The following PARD3B variants were observed in gnomAD, a reference collection of about 807,000 sequenced individuals.
PARD3B encodes partitioning defective 3 homolog B.
In PARD3B, 103 loss-of-function variants were observed where a neutral mutation model predicts 130.2. The observed-to-expected ratio is 0.79, with a 90% CI of 0.67 to 0.93. The LOEUF is 0.93. Ranked by LOEUF, PARD3B falls within the 40% of genes least tolerant of loss-of-function variation. The probability of loss-of-function intolerance (pLI) is 0.00; values close to 1 mark genes in which losing one functional copy is unlikely to be tolerated. For synonymous variants in PARD3B, 583 were observed against 553.2 expected, an observed-to-expected ratio of 1.05 and a Z score of -0.76; for missense variants, 1,609 against 1,499.2, an observed-to-expected ratio of 1.07 and a Z score of -1.21.
At chr2:204,634,422 T>A (rs1358799074) in intron 1 of PARD3B, among the ~76,000 whole-genome samples, 1 of 152,218 alleles carries the variant, frequency 6.6e-6, no homozygotes, top group East Asian at 1.9e-4. Flanking sequence ...TTCCAAATCT[T>A]AGCTATTGTA....
chr2:205,056,945 G>A (rs1271179929), intron 4 of PARD3B, among the ~76,000 whole-genome samples: 1 of 150,250 alleles, frequency 6.7e-6, no homozygotes, highest in African/African-American at 2.4e-5. Context: ...TTGACATTCA[G>A]CTATATTCTT....
intron 21 of PARD3B, among the ~76,000 whole-genome samples, chr2:205,536,196 C>T (rs558188519): frequency 1.3e-5 from 2 of 152,156 alleles, no homozygotes; most frequent in Admixed American, 6.5e-5. Flanking sequence ...GTGGAACAAG[C>T]GTGTGGTGTC....
rs191784942 is a variant in PARD3B at position 205,128,090 on chromosome 2, A to G, written c.1434+2353A>G. 1.3e-5 allele frequency among the ~76,000 whole-genome samples: 2 copies of G among 152,352 alleles called. No homozygotes were observed. The highest frequency in any genetic ancestry group is 4.8e-5 in the African/African-American group (2 of 41,584). On this transcript the variant is annotated intron_variant, in intron 10 of 22. Transcript: ENST00000406610. This position sits in a 1 kb window ranked among gnomAD's most constrained non-coding sequence, Gnocchi z 4.5. Reference sequence around the variant, plus strand: ...ACTCTCCAAAATCCTCAGTGGAACTATGTGCTTATTTCTGAGATAGGAGAG... The same window carrying G: ...ACTCTCCAAAATCCTCAGTGGAACTGTGTGCTTATTTCTGAGATAGGAGAG...
intron 3 of PARD3B, among the ~76,000 whole-genome samples, chr2:204,983,916 C>T (rs1430626125): frequency 6.6e-6 from 1 of 152,118 alleles, no homozygotes; most frequent in Non-Finnish European, 1.5e-5. Flanking sequence ...GGCTCCTGTG[C>T]ATATAAAACT....
intron 1 of PARD3B, among the ~76,000 whole-genome samples, chr2:204,671,948 T>C (rs2036323382): frequency 6.6e-6 from 1 of 152,146 alleles, no homozygotes; most frequent in South Asian, 2.1e-4. Context: ...TCCTCAACAT[T>C]TTGATTATTT....
At chr2:204,620,245 C>T (rs2034250453) in intron 1 of PARD3B, among the ~76,000 whole-genome samples, 1 of 152,092 alleles carries the variant, frequency 6.6e-6, no homozygotes, top group South Asian at 2.1e-4. Flanking sequence ...TCAGATGATC[C>T]ACCAGCTTGG....
At position 205,552,406 on chromosome 2, in the gene PARD3B, G is replaced by GTTTA. The variant is rs756029728; in HGVS notation, c.3181-902_3181-899dup. Among the ~76,000 whole-genome samples the GTTTA allele has an allele frequency of 5.9e-5, 9 of 152,152 alleles. No homozygotes were observed. The South Asian group carries it at 1.0e-3, about 18-fold the overall frequency. ...ATAGAAAAGGTGCTTTTATTTATTT[G>GTTTA]TTTATTTATTTATTTATTTTGAGAC... On this transcript the variant is annotated intron_variant, in intron 21 of 22. Coordinates refer to ENST00000406610, the MANE Select transcript of PARD3B (RefSeq NM_001302769.2).
At chr2:205,099,980 T>A (rs1702646761) in intron 4 of PARD3B, among the ~76,000 whole-genome samples, 1 of 152,184 alleles carries the variant, frequency 6.6e-6, no homozygotes, top group African/African-American at 2.4e-5. Flanking sequence ...TGTAGTCAGT[T>A]CAGAATTACC....
chr2:205,507,577 A>G (rs2050422727), intron 21 of PARD3B, among the ~76,000 whole-genome samples: 1 of 152,110 alleles, frequency 6.6e-6, no homozygotes, highest in African/African-American at 2.4e-5. Context: ...AGTGAAGTCA[A>G]GTCCACCCAG....
chr2:204,988,262 T>C (rs554865314), intron 3 of PARD3B, among the ~76,000 whole-genome samples: 48 of 152,332 alleles, frequency 3.2e-4, no homozygotes, highest in Non-Finnish European at 4.7e-4. Context: ...ATGGTGTCTG[T>C]ATTTTCTCAG....
At chr2:204,556,504 A>G (rs747088486) in intron 1 of PARD3B, among the ~76,000 whole-genome samples, 3 of 152,222 alleles carry the variant, frequency 2.0e-5, no homozygotes, top group African/African-American at 7.2e-5. Context: ...AAGAGAAGAC[A>G]CTAAAGCCGT....
rs2047667039 is a variant in PARD3B, at chr2:205,440,313, AT to A, written c.2742-55del. The A allele has an allele frequency of 6.7e-7, 1 of 1,501,242 alleles. No individual in the cohort carries two copies. The highest frequency in any genetic ancestry group is 9.2e-7 in the Non-Finnish European group (1 of 1,089,482). 93.0% of individuals were successfully genotyped at this position (1,501,242 alleles called of 1,614,324 possible). ...TAACATAAATTCAAGAGAGTATTTC[AT>A]TGTATTATTATATGAAACTCACATA... On this transcript the variant is annotated intron_variant, in intron 19 of 22. Transcript: ENST00000406610. This position sits in a 1 kb window ranked among gnomAD's most constrained non-coding sequence, Gnocchi z 4.2.
chr2:205,564,333 C>G lies in PARD3B; in HGVS notation c.3260+10930C>G, dbSNP rs1414657313. Among the ~76,000 whole-genome samples, 13 of 152,140 alleles carry G rather than the reference C, an allele frequency of 8.5e-5. No homozygotes were observed. Among genetic ancestry groups the G allele is most frequent in the Admixed American group, 8.5e-4 (13 of 15,266 alleles). ...AATGAGCATTTCAATGGATAAACCC[C>G]TTATAGGCTTTCAGAATGACTAAGA... On this transcript the variant is annotated intron_variant, in intron 22 of 22. Transcript: ENST00000406610. This position sits in a 1 kb window ranked among gnomAD's most constrained non-coding sequence, Gnocchi z 4.6.
At chr2:205,019,361 G>A (rs1368946) in intron 3 of PARD3B, among the ~76,000 whole-genome samples, 149,665 of 152,308 alleles carry the variant, frequency 0.98, 73,588 homozygotes, top group Middle Eastern at 1. Context: ...TTATGGATAT[G>A]CCAAATTTTA....
At chr2:204,942,644 G>A (rs1347965605) in intron 2 of PARD3B, among the ~76,000 whole-genome samples, 1 of 151,784 alleles carries the variant, frequency 6.6e-6, no homozygotes. Context: ...AAGACAAGTA[G>A]TTATACAAAC....
intron 19 of PARD3B, among the ~76,000 whole-genome samples, chr2:205,409,910 T>A (rs1214545631): frequency 6.6e-6 from 1 of 152,192 alleles, no homozygotes; most frequent in Non-Finnish European, 1.5e-5. Context: ...AAAGAAATTT[T>A]AAATTTCGCT....
intron 2 of PARD3B, among the ~76,000 whole-genome samples, chr2:204,918,090 G>T (rs1213938714): frequency 1.3e-5 from 2 of 152,156 alleles, no homozygotes; most frequent in African/African-American, 4.8e-5. Context: ...CTGACATGAG[G>T]AGACAGTTTT....
chr2:204,895,827 A>G (rs2046622145), intron 2 of PARD3B, among the ~76,000 whole-genome samples: 1 of 152,186 alleles, frequency 6.6e-6, no homozygotes, highest in African/African-American at 2.4e-5. Context: ...GTTGGAAAGG[A>G]CTTAAAAATA....
chr2:205,345,482 G>T (rs2043717193), intron 18 of PARD3B, among the ~76,000 whole-genome samples: 1 of 152,130 alleles, frequency 6.6e-6, no homozygotes, highest in Admixed American at 6.5e-5. Context: ...GGTGGGAGGA[G>T]GTCAGAGAGA....
Sources: allele counts gnomAD v4.1 joint callset (sites outside exome capture counted in the v4.1 genomes callset), GRCh38; gene constraint gnomAD v4.1.1; non-coding constraint Gnocchi (gnomAD v3.1); transcripts MANE v1.5; gene names NCBI Gene and HGNC (gene_info 2026-07-23, HGNC 2026-07-21).